The following BCKDHB variants were observed in gnomAD, a reference collection of about 807,000 sequenced individuals.
The protein encoded by BCKDHB is 2-oxoisovalerate dehydrogenase subunit beta, mitochondrial.
Under a neutral mutation model 48.5 loss-of-function variants are expected in BCKDHB, and 41 were observed. The ratio of observed to expected loss-of-function variants is 0.85; its 90% CI spans 0.66 to 1.10. The LOEUF (loss-of-function observed/expected upper bound fraction) is 1.10, where lower values mean the gene tolerates loss of function less well. Among genes scored for constraint, BCKDHB ranks in the 50% least tolerant of loss-of-function variants. BCKDHB has a pLI of 0.00. For synonymous variants in BCKDHB, 201 were observed against 174.8 expected (o/e 1.15, Z -1.18); for missense variants, 496 against 494.2 (o/e 1.00, Z -0.03).
intron 9 of BCKDHB, among the ~76,000 whole-genome samples, chr6:80,276,134 A>G (rs1355105841): frequency 3.3e-5 from 5 of 152,020 alleles, no homozygotes; most frequent in African/African-American, 1.2e-4. Flanking sequence ...TGTTGGTTCA[A>G]CAAATGCAAG....
chr6:80,462,901 G>A, the BCKDHB span: 1 of 152,194 alleles, frequency 6.6e-6, no homozygotes, highest in African/African-American at 2.4e-5. Context: ...AGATTGTGAT[G>A]CACTGGGAGC....
At chr6:80,288,905 T>A (rs2069619950) in intron 9 of BCKDHB, among the ~76,000 whole-genome samples, 1 of 152,084 alleles carries the variant, frequency 6.6e-6, no homozygotes, top group Non-Finnish European at 1.5e-5. Context: ...CACATAGTAT[T>A]GGGAAGCTTA....
intron 9 of BCKDHB, among the ~76,000 whole-genome samples, chr6:80,296,235 A>G (rs896532594): frequency 6.6e-6 from 1 of 152,226 alleles, no homozygotes; most frequent in Admixed American, 6.5e-5. Context: ...ATAGCTGATT[A>G]TAAACCACCT....
At chr6:80,296,525 T>G (rs1056612353) in intron 9 of BCKDHB, among the ~76,000 whole-genome samples, 1 of 152,192 alleles carries the variant, frequency 6.6e-6, no homozygotes, top group Non-Finnish European at 1.5e-5. Context: ...TAAGCCAAAT[T>G]TTACCTTTAC....
chr6:80,349,150 ACTT>A, downstream of BCKDHB, among the ~76,000 whole-genome samples: 1 of 152,248 alleles, frequency 6.6e-6, no homozygotes, highest in East Asian at 1.9e-4. Context: ...GGAGTTCAAA[ACTT>A]CTAAACTCTT....
At chr6:80,221,085 G>A (rs1775429529) in intron 8 of BCKDHB, among the ~76,000 whole-genome samples, 4 of 152,178 alleles carry the variant, frequency 2.6e-5, no homozygotes, top group Admixed American at 1.3e-4. Context: ...TTATTTGGGG[G>A]AAGTGGAGCA....
chr6:80,244,072 A>G (rs919670590), intron 8 of BCKDHB, among the ~76,000 whole-genome samples: 17 of 152,268 alleles, frequency 1.1e-4, no homozygotes, highest in African/African-American at 3.9e-4. Context: ...TCCTGAGTCT[A>G]TAAAATCATA....
rs182997285 is a variant in BCKDHB, at chr6:80,129,971, A to G, written c.343+742A>G. Among the ~76,000 whole-genome samples, 3 of 152,338 alleles carry G rather than the reference A, an allele frequency of 2.0e-5. No individual in the cohort carries two copies. The South Asian group carries it at 6.2e-4, about 32-fold the overall frequency. ...GGTGCCATAGCCTGGTCAAGTTGAC[A>G]TATAATGAACCATCACATTATCCTT... On this transcript the variant is annotated intron_variant, in intron 3 of 9. Transcript: ENST00000320393.
At chr6:80,404,481 A>T in the BCKDHB span, among the ~76,000 whole-genome samples, 8 of 151,502 alleles carry the variant, frequency 5.3e-5, no homozygotes, top group African/African-American at 1.9e-4. Context: ...TTTAGCTAAG[A>T]ATTTGTCTAT....
intron 6 of BCKDHB, 128 bp from the exon 7 acceptor site, chr6:80,200,806 G>C: frequency 2.7e-6 from 2 of 727,740 alleles, no homozygotes; most frequent in Non-Finnish European, 4.7e-6. Context: ...TCTGTTTTAA[G>C]TAATACAGAA....
At chr6:80,409,032 A>G in the BCKDHB span, among the ~76,000 whole-genome samples, 1 of 152,084 alleles carries the variant, frequency 6.6e-6, no homozygotes, top group African/African-American at 2.4e-5. Context: ...TTCCCTCTAT[A>G]CAGTGCTTTA....
chr6:80,454,656 T>A, the BCKDHB span, among the ~76,000 whole-genome samples: 1 of 152,132 alleles, frequency 6.6e-6, no homozygotes, highest in Non-Finnish European at 1.5e-5. Flanking sequence ...TGCAAGGCAT[T>A]GGATGCTATA....
chr6:80,245,798 G>A (rs952204140), intron 8 of BCKDHB, among the ~76,000 whole-genome samples: 3 of 152,104 alleles, frequency 2.0e-5, no homozygotes, highest in Admixed American at 6.6e-5. Context: ...AGAGAGGGCC[G>A]GGCACGGTGG....
chr6:80,402,179 T>C, the BCKDHB span, among the ~76,000 whole-genome samples: 2 of 151,862 alleles, frequency 1.3e-5, no homozygotes, highest in African/African-American at 2.4e-5. Flanking sequence ...TTTTAATTTT[T>C]TAAGGAACTC....
the BCKDHB span, among the ~76,000 whole-genome samples, chr6:80,359,046 A>G: frequency 6.6e-6 from 1 of 152,138 alleles, no homozygotes; most frequent in African/African-American, 2.4e-5. Context: ...TCACACAAAA[A>G]TAGTTCGAAT....
At chr6:80,113,218 A>G (rs1476527375) in intron 1 of BCKDHB, among the ~76,000 whole-genome samples, 1 of 152,244 alleles carries the variant, frequency 6.6e-6, no homozygotes, top group Non-Finnish European at 1.5e-5. Flanking sequence ...CGTAAGGATC[A>G]TGGACTATAG....
At chr6:80,369,681 C>T in the BCKDHB span, among the ~76,000 whole-genome samples, 2 of 152,150 alleles carry the variant, frequency 1.3e-5, no homozygotes, top group South Asian at 2.1e-4. Context: ...TCAGGCAGCC[C>T]AGACACTGGA....
At chr6:80,276,502 A>G (rs1170473150) in intron 9 of BCKDHB, among the ~76,000 whole-genome samples, 1 of 151,934 alleles carries the variant, frequency 6.6e-6, no homozygotes, top group Non-Finnish European at 1.5e-5. Context: ...ACATTTTTAT[A>G]AGAAGTGGTA....
In BCKDHB at chr6:80,268,903, C is replaced by T. The variant is rs577300099; in HGVS notation, c.952-4232C>T. Among the ~76,000 whole-genome samples the T allele has an allele frequency of 1.7e-4, 26 of 152,158 alleles. 1 individual carries two copies. In the South Asian group the frequency reaches 5.4e-3, roughly 32 times the overall value. On this transcript the variant is annotated intron_variant, in intron 8 of 9. Coordinates refer to ENST00000320393, the MANE Select transcript of BCKDHB (RefSeq NM_183050.4). ...TATTGTTAAAACTACATTAAAATAC[C>T]ATCAATTTGGAACATGCTACTTCAT...
Sources: allele counts gnomAD v4.1 joint callset (sites outside exome capture counted in the v4.1 genomes callset), GRCh38; gene constraint gnomAD v4.1.1; transcripts MANE v1.5; gene names NCBI Gene and HGNC (gene_info 2026-07-23, HGNC 2026-07-21).